The following PAX5 variants were observed in gnomAD, a reference collection of about 807,000 sequenced individuals.
The protein encoded by PAX5 is paired box 5.
In PAX5, 9 loss-of-function variants were observed where a neutral mutation model predicts 43.7. That is an observed-to-expected ratio of 0.21 (90% CI 0.12 to 0.36). The LOEUF (loss-of-function observed/expected upper bound fraction) is 0.36. PAX5 is among the 10% of genes least tolerant of loss of function. PAX5 has a pLI of 1.00. For missense variants in PAX5, 383 were observed against 532.7 expected (o/e 0.72, Z 2.77); for synonymous variants, 228 against 214.3 (o/e 1.06, Z -0.56).
At chr9:36,848,350 C>CCACACACACACACACACACACA (rs55793420) in intron 8 of PAX5, among the ~76,000 whole-genome samples, 1,620 of 136,424 alleles carry the variant, frequency 0.012, 56 homozygotes, top group African/African-American at 0.042. Context: ...CAGAGCGTGT[C>CCACACACACACACACACACACA]CACACACACA....
At chr9:36,853,741 T>C (rs1266487645) in intron 8 of PAX5, among the ~76,000 whole-genome samples, 1 of 152,126 alleles carries the variant, frequency 6.6e-6, no homozygotes, top group Non-Finnish European at 1.5e-5. Context: ...TAAAAAGGGG[T>C]TATGATAAGA....
In PAX5 at chr9:36,836,976, C is replaced by T. The variant is rs115998535; in HGVS notation, c.*3584G>A. ...CTGTTGTGGATTTGGTCAAAGACTC[C>T]GCAGGTTTCAATGTTCTTAGGAAAC... On this transcript the variant is annotated 3_prime_UTR_variant, in exon 10 of 10. Coordinates refer to ENST00000358127, the MANE Select transcript of PAX5 (RefSeq NM_016734.3). The T allele has an allele frequency of 6.2e-3, 1,439 of 232,564 alleles. 24 individuals are homozygous for T. The highest frequency in any genetic ancestry group is 0.028 in the African/African-American group (1,257 of 45,384). 14.4% of individuals were successfully genotyped at this position (232,564 alleles called of 1,614,324 possible). A position where few individuals can be genotyped will look rare whatever the true frequency, so the allele number is the denominator to read the frequency against.
At chr9:36,845,228 G>T (rs1440119277) in intron 9 of PAX5, among the ~76,000 whole-genome samples, 1 of 152,110 alleles carries the variant, frequency 6.6e-6, no homozygotes, top group Non-Finnish European at 1.5e-5. Context: ...CTGGGATCAG[G>T]CCTCTGCCTG....
At chr9:36,869,341 C>T (rs533074453) in intron 8 of PAX5, among the ~76,000 whole-genome samples, 2 of 152,308 alleles carry the variant, frequency 1.3e-5, no homozygotes, top group South Asian at 4.1e-4. Context: ...CATCTTCTCC[C>T]TCCTCACTCC....
chr9:36,840,545 G>A lies in PAX5; in HGVS notation c.*15C>T, dbSNP rs587777963. ...TAGGTGCCATCAGTGTTTGGTGCCC[G>A]CCTGGCTCCAAGGGTCAGTGACGGT... On this transcript the variant is annotated 3_prime_UTR_variant, in exon 10 of 10. Coordinates refer to ENST00000358127, the MANE Select transcript of PAX5 (RefSeq NM_016734.3). 23 of 1,576,950 alleles carry A rather than the reference G, an allele frequency of 1.5e-5. No individual in the cohort carries two copies. The highest frequency in any genetic ancestry group is 4.0e-5 in the African/African-American group (3 of 74,584).
intron 8 of PAX5, among the ~76,000 whole-genome samples, chr9:36,847,936 T>C (rs1822746323): frequency 6.6e-6 from 1 of 152,156 alleles, no homozygotes; most frequent in South Asian, 2.1e-4. Flanking sequence ...AAGAGTAGGC[T>C]TCAGCCTGGA....
At chr9:36,941,282 T>C (rs982371462) in intron 6 of PAX5, among the ~76,000 whole-genome samples, 1 of 152,152 alleles carries the variant, frequency 6.6e-6, no homozygotes, top group African/African-American at 2.4e-5. Flanking sequence ...TTGTTCTGAG[T>C]ATTAAATGAG....
At chr9:36,928,651 C>G (rs557734643) in intron 6 of PAX5, among the ~76,000 whole-genome samples, 3 of 152,130 alleles carry the variant, frequency 2.0e-5, no homozygotes, top group Non-Finnish European at 4.4e-5. Flanking sequence ...CTAAGTGATA[C>G]GCTAACATCC....
chr9:37,003,300 G>A (rs1325259346), intron 4 of PAX5, among the ~76,000 whole-genome samples: 5 of 152,010 alleles, frequency 3.3e-5, no homozygotes, highest in African/African-American at 1.2e-4. Flanking sequence ...AAACCGCAGA[G>A]TGCCCCTTCT....
At chr9:36,989,876 C>A (rs1391118408) in intron 5 of PAX5, among the ~76,000 whole-genome samples, 1 of 152,226 alleles carries the variant, frequency 6.6e-6, no homozygotes, top group African/African-American at 2.4e-5. Flanking sequence ...GTGCTGGGCA[C>A]TAAGGTGACA....
intron 6 of PAX5, among the ~76,000 whole-genome samples, chr9:36,938,788 T>C (rs1246812746): frequency 6.6e-6 from 1 of 151,928 alleles, no homozygotes; most frequent in African/African-American, 2.4e-5. Context: ...GTTGGGAGAG[T>C]TTAATCCAAA....
intron 8 of PAX5, among the ~76,000 whole-genome samples, chr9:36,880,282 C>A (rs1415873938): frequency 6.6e-6 from 1 of 152,248 alleles, no homozygotes; most frequent in Non-Finnish European, 1.5e-5. Flanking sequence ...ACCCAGCCCG[C>A]ACATCCAAGC....
intron 5 of PAX5, among the ~76,000 whole-genome samples, chr9:36,986,039 C>T (rs1836371774): frequency 6.6e-6 from 1 of 152,056 alleles, no homozygotes; most frequent in Non-Finnish European, 1.5e-5. Flanking sequence ...CCCCTCCAGG[C>T]CGGGTCCCGA....
At chr9:37,022,377 C>T (rs1024872880) in intron 1 of PAX5, among the ~76,000 whole-genome samples, 1 of 152,222 alleles carries the variant, frequency 6.6e-6, no homozygotes, top group South Asian at 2.1e-4. Context: ...GGCCAAGAGC[C>T]TTCAGAAGGC....
At chr9:36,978,360 T>C (rs534907819) in intron 5 of PAX5, among the ~76,000 whole-genome samples, 3 of 152,358 alleles carry the variant, frequency 2.0e-5, no homozygotes, top group African/African-American at 7.2e-5. Flanking sequence ...GTGATTTGTT[T>C]CTGTGAATTG....
At chr9:36,891,720 T>G (rs1050563087) in intron 7 of PAX5, among the ~76,000 whole-genome samples, 8 of 152,204 alleles carry the variant, frequency 5.3e-5, no homozygotes, top group Non-Finnish European at 7.3e-5. Flanking sequence ...TTGGGTGGTG[T>G]TATTGACTTA....
chr9:36,930,535 A>G (rs1831042885), intron 6 of PAX5, among the ~76,000 whole-genome samples: 1 of 152,010 alleles, frequency 6.6e-6, no homozygotes, highest in Non-Finnish European at 1.5e-5. Context: ...CCCTTAGTTC[A>G]TTTTTATCTG....
At chr9:36,912,909 TA>T (rs1315565440) in intron 7 of PAX5, among the ~76,000 whole-genome samples, 6 of 152,326 alleles carry the variant, frequency 3.9e-5, no homozygotes, top group Middle Eastern at 3.4e-3. Context: ...ATTTCATAGA[TA>T]GGGAAATGAG....
intron 8 of PAX5, among the ~76,000 whole-genome samples, chr9:36,855,634 C>G (rs776231640): frequency 6.6e-6 from 1 of 152,144 alleles, no homozygotes; most frequent in African/African-American, 2.4e-5. Flanking sequence ...GATCAACACC[C>G]CAGACGCCGC....
Sources: allele counts gnomAD v4.1 joint callset (sites outside exome capture counted in the v4.1 genomes callset), GRCh38; gene constraint gnomAD v4.1.1; transcripts MANE v1.5; gene names NCBI Gene and HGNC (gene_info 2026-07-23, HGNC 2026-07-21).